The following PPP2R5C variants were observed in gnomAD, a reference collection of about 807,000 sequenced individuals.
PPP2R5C encodes the protein serine/threonine-protein phosphatase 2A 56 kDa regulatory subunit gamma isoform.
PPP2R5C carries 7 observed loss-of-function variants against 68.9 expected under a neutral mutation model. The observed-to-expected ratio is 0.10, with a 90% CI of 0.06 to 0.19. The LOEUF (loss-of-function observed/expected upper bound fraction) is 0.19. PPP2R5C is among the 10% of genes least tolerant of loss of function. The pLI is 1.00. For synonymous variants in PPP2R5C, 210 were observed against 222.2 expected, an observed-to-expected ratio of 0.95 and a Z score of 0.49; for missense variants, 348 against 641.3, an observed-to-expected ratio of 0.54 and a Z score of 4.94.
At chr14:101,845,346 A>G (rs1453618361) in intron 1 of PPP2R5C, among the ~76,000 whole-genome samples, 1 of 152,188 alleles carries the variant, frequency 6.6e-6, no homozygotes, top group African/African-American at 2.4e-5. Context: ...TTGTTCTTCC[A>G]TATGACTCCC....
chr14:101,792,355 A>G (rs897430696), intron 3 of PPP2R5C, among the ~76,000 whole-genome samples: 1 of 152,198 alleles, frequency 6.6e-6, no homozygotes, highest in Non-Finnish European at 1.5e-5. Context: ...CATCCTACCA[A>G]TGTGTATTCC....
chr14:101,805,000 A>G (rs1233737627), upstream of PPP2R5C, among the ~76,000 whole-genome samples: 3 of 152,186 alleles, frequency 2.0e-5, no homozygotes, highest in Admixed American at 1.3e-4. Flanking sequence ...TATACCTACT[A>G]TGTACCCATA....
At chr14:101,787,391 G>A (rs938517632) in intron 3 of PPP2R5C, among the ~76,000 whole-genome samples, 13 of 152,092 alleles carry the variant, frequency 8.5e-5, no homozygotes, top group African/African-American at 2.7e-4. Context: ...GAGGCTGGGT[G>A]GATGGTGGAT....
intron 2 of PPP2R5C, among the ~76,000 whole-genome samples, chr14:101,868,275 A>G (rs892382144): frequency 6.6e-6 from 1 of 152,262 alleles, no homozygotes; most frequent in Non-Finnish European, 1.5e-5. Context: ...TACTTTAAAT[A>G]TCAGTAAGCT....
At chr14:101,770,088 G>T (rs1160327631) in intron 2 of PPP2R5C, among the ~76,000 whole-genome samples, 1 of 152,172 alleles carries the variant, frequency 6.6e-6, no homozygotes, top group African/African-American at 2.4e-5. Flanking sequence ...TAAAAATATG[G>T]TGTTACAATC....
At chr14:101,806,929 T>A (rs1474739329), upstream of PPP2R5C, among the ~76,000 whole-genome samples, 2 of 152,134 alleles carry the variant, frequency 1.3e-5, no homozygotes, top group Non-Finnish European at 2.9e-5. Flanking sequence ...ACCACTTCCC[T>A]CCAGCCTGGG....
intron 1 of PPP2R5C, chr14:101,818,763 T>C (rs2039868025): frequency 1.1e-5 from 4 of 380,412 alleles, no homozygotes; most frequent in African/African-American, 2.0e-5. Context: ...ATAAGTGGGG[T>C]CCCAACTATA....
At chr14:101,874,588 A>G (rs2043631602) in intron 2 of PPP2R5C, among the ~76,000 whole-genome samples, 1 of 152,234 alleles carries the variant, frequency 6.6e-6, no homozygotes. Flanking sequence ...CTCAAAAAAT[A>G]TAAACTCATG....
chr14:101,812,798 T>C (rs2039443956), intron 1 of PPP2R5C, among the ~76,000 whole-genome samples: 1 of 152,224 alleles, frequency 6.6e-6, no homozygotes, highest in African/African-American at 2.4e-5. Flanking sequence ...CTTTCCCAGT[T>C]TACCATCCAT....
intron 1 of PPP2R5C, among the ~76,000 whole-genome samples, chr14:101,844,534 T>C (rs2041705785): frequency 6.6e-6 from 1 of 152,316 alleles, no homozygotes; most frequent in African/African-American, 2.4e-5. Flanking sequence ...CCCTCCCTGC[T>C]GTCATCCCCG....
Position 101,913,560 on chromosome 14 carries a change from A to C in PPP2R5C, c.1326+1087A>C, listed in dbSNP as rs2046501566. Among the ~76,000 whole-genome samples, 1 of 152,240 alleles carries C rather than the reference A, an allele frequency of 6.6e-6. No individual in the cohort carries two copies. The highest frequency in any genetic ancestry group is 2.4e-5 in the African/African-American group (1 of 41,462). On this transcript the variant is annotated intron_variant, in intron 12 of 13. Transcript: ENST00000334743. This position sits in a 1 kb window ranked among gnomAD's most constrained non-coding sequence, Gnocchi z 4.1. ...CTAGCAGTTATTTACTCATGCTGAC[A>C]GAAATGCTGTTTTAAGATTACTGTC...
chr14:101,858,350 T>C (rs2042552357), intron 2 of PPP2R5C, among the ~76,000 whole-genome samples: 1 of 152,150 alleles, frequency 6.6e-6, no homozygotes, highest in Non-Finnish European at 1.5e-5. Context: ...GGTATGGATA[T>C]GTAATAGTTG....
intron 1 of PPP2R5C, among the ~76,000 whole-genome samples, chr14:101,821,316 G>A (rs1031139005): frequency 1.3e-5 from 2 of 151,414 alleles, no homozygotes; most frequent in African/African-American, 4.9e-5. Context: ...TTTCTTCATT[G>A]CAAATAAAAC....
intron 1 of PPP2R5C, among the ~76,000 whole-genome samples, chr14:101,852,470 T>C (rs2042219376): frequency 2.1e-5 from 2 of 96,868 alleles, no homozygotes; most frequent in African/African-American, 7.1e-5. Context: ...TTTCTTTTTC[T>C]TTTTTTTTTT....
At chr14:101,843,965 A>G (rs947910793) in intron 1 of PPP2R5C, 1 of 158,814 alleles carries the variant, frequency 6.3e-6, no homozygotes, top group Middle Eastern at 3.0e-3. Flanking sequence ...CCTTGGCTGT[A>G]CAGATGTTTT....
exon 14 of PPP2R5C, chr14:101,925,339 T>C: frequency 6.3e-7 from 1 of 1,587,692 alleles, no homozygotes; most frequent in Non-Finnish European, 8.6e-7. Flanking sequence ...AAATACATAC[T>C]TCCTGTGCCA....
chr14:101,769,716 T>C (rs578158570), intron 2 of PPP2R5C, among the ~76,000 whole-genome samples: 1 of 152,262 alleles, frequency 6.6e-6, no homozygotes, highest in South Asian at 2.1e-4. Context: ...ACATATTCAG[T>C]GGAAAAAAGT....
At chr14:101,885,947 A>G (rs185896089) in intron 5 of PPP2R5C, among the ~76,000 whole-genome samples, 25 of 152,366 alleles carry the variant, frequency 1.6e-4, no homozygotes, top group African/African-American at 6.0e-4. Flanking sequence ...GGTTTTGTTC[A>G]GATAGCAGAA....
chr14:101,825,330 G>A lies in PPP2R5C; in HGVS notation c.94+15294G>A, dbSNP rs755792549. 2.4e-4 allele frequency among the ~76,000 whole-genome samples: 37 copies of A among 151,974 alleles called. No individual in the cohort carries two copies. The highest frequency in any genetic ancestry group is 8.8e-5 in the Non-Finnish European group (6 of 68,000). ...GAGACATATACTGATAATGGAATCC[G>A]GGCATTGCTATCTTTCTGTGTCTTA... On this transcript the variant is annotated intron_variant, in intron 1 of 13. Transcript: ENST00000334743. The surrounding 1 kb of genome is among the most constrained non-coding windows in gnomAD (Gnocchi z 4.0).
Sources: allele counts gnomAD v4.1 joint callset (sites outside exome capture counted in the v4.1 genomes callset), GRCh38; gene constraint gnomAD v4.1.1; non-coding constraint Gnocchi (gnomAD v3.1); transcripts MANE v1.5; gene names NCBI Gene and HGNC (gene_info 2026-07-23, HGNC 2026-07-21).